TSHZ2: variants seen among roughly 807,000 people sequenced by gnomAD.
The protein encoded by TSHZ2 is teashirt zinc finger homeobox 2.
A neutral mutation model predicts 74.4 loss-of-function variants in TSHZ2; 21 were observed. The ratio of observed to expected loss-of-function variants is 0.28; its 90% confidence interval spans 0.20 to 0.41. The LOEUF is 0.41. Ranked by LOEUF, TSHZ2 falls within the 10% of genes least tolerant of loss-of-function variation. The pLI is 1.00. For synonymous variants in TSHZ2, 540 were observed against 515.3 expected (o/e 1.05, Z -0.65); for missense variants, 1,244 against 1,293.5 (o/e 0.96, Z 0.59).
intron 1 of TSHZ2, among the ~76,000 whole-genome samples, chr20:53,199,423 A>G (rs1988946878): frequency 1.3e-5 from 2 of 152,188 alleles, no homozygotes; most frequent in Admixed American, 6.5e-5. Context: ...GCAGTGAGCC[A>G]AGATTGTGCC....
chr20:53,395,659 A>C (rs1186388701), intron 2 of TSHZ2, among the ~76,000 whole-genome samples: 4 of 152,250 alleles, frequency 2.6e-5, no homozygotes, highest in African/African-American at 9.6e-5. Context: ...CAATAATCTG[A>C]AATTGGTCCA....
chr20:53,047,930 C>T (rs1005047936), intron 1 of TSHZ2, among the ~76,000 whole-genome samples: 1 of 152,152 alleles, frequency 6.6e-6, no homozygotes, highest in East Asian at 1.9e-4. Context: ...TAGACACCGT[C>T]GCACTTTTAA....
In TSHZ2 at chr20:53,378,331, CTT is replaced by C. The variant is rs1462161934; in HGVS notation, c.*9-108811_*9-108810del. 4.4e-5 allele frequency among the ~76,000 whole-genome samples: 6 copies of C among 137,048 alleles called. No homozygotes were observed. In the East Asian group the frequency reaches 1.3e-3, roughly 29 times the overall value. The allele number at this position is 137,048 out of a possible 152,430, so 89.9% of individuals were successfully genotyped here. ...CTCCAGCCTGGGCGACAAAGCAAAA[CTT>C]TGTATCAAAATAATAATAATAATAA... On this transcript the variant is annotated intron_variant, in intron 2 of 2. Transcript: ENST00000371497.
At chr20:53,327,892 C>T (rs1036274976) in intron 2 of TSHZ2, among the ~76,000 whole-genome samples, 4 of 152,290 alleles carry the variant, frequency 2.6e-5, no homozygotes, top group African/African-American at 7.2e-5. Context: ...GTCAGCCACA[C>T]GGAGAGCAGC....
chr20:52,982,514 A>T (rs2122883013), intron 1 of TSHZ2, among the ~76,000 whole-genome samples: 1 of 152,276 alleles, frequency 6.6e-6, no homozygotes, highest in African/African-American at 2.4e-5. Context: ...ATGTTCTTTC[A>T]TATGTCCGTA....
At chr20:53,069,454 GA>G (rs1371885669) in intron 1 of TSHZ2, among the ~76,000 whole-genome samples, 1 of 151,800 alleles carries the variant, frequency 6.6e-6, no homozygotes, top group East Asian at 1.9e-4. Context: ...CTTCCTGAAA[GA>G]AAAAAATATC....
intron 1 of TSHZ2, among the ~76,000 whole-genome samples, chr20:53,088,052 G>T (rs1264104660): frequency 6.6e-6 from 1 of 152,196 alleles, no homozygotes; most frequent in East Asian, 1.9e-4. Flanking sequence ...TCTTCAAGAT[G>T]AATTCAGCTT....
intron 2 of TSHZ2, among the ~76,000 whole-genome samples, chr20:53,422,755 C>T (rs1377167068): frequency 2.0e-5 from 3 of 152,130 alleles, no homozygotes; most frequent in African/African-American, 7.2e-5. Context: ...GGGGAGAGAA[C>T]AAAACCTTAT....
chr20:53,484,382 CTTTTTTTTT>C (rs10610067), intron 2 of TSHZ2, among the ~76,000 whole-genome samples: 127 of 98,860 alleles, frequency 1.3e-3, no homozygotes, highest in African/African-American at 4.7e-3. Flanking sequence ...TTATCTCTCT[CTTTTTTTTT>C]TTTTTTTTTT....
At chr20:53,334,571 G>T (rs1372999972) in intron 2 of TSHZ2, among the ~76,000 whole-genome samples, 2 of 152,200 alleles carry the variant, frequency 1.3e-5, no homozygotes, top group East Asian at 3.8e-4. Context: ...CTTCCAGTGT[G>T]CGGCCAAGGG....
intron 1 of TSHZ2, among the ~76,000 whole-genome samples, chr20:52,997,195 A>G (rs766606357): frequency 2.6e-5 from 4 of 152,122 alleles, no homozygotes; most frequent in African/African-American, 9.7e-5. Context: ...GTCCCCTCAA[A>G]TATCACCAAA....
chr20:53,001,776 C>T (rs899023382), intron 1 of TSHZ2, among the ~76,000 whole-genome samples: 2 of 152,166 alleles, frequency 1.3e-5, no homozygotes, highest in Non-Finnish European at 2.9e-5. Flanking sequence ...GAAGGTTTAA[C>T]GTTACGTATG....
intron 1 of TSHZ2, among the ~76,000 whole-genome samples, chr20:53,220,778 C>G (rs925396959): frequency 6.6e-6 from 1 of 152,096 alleles, no homozygotes; most frequent in Non-Finnish European, 1.5e-5. Context: ...TAATGGGTAC[C>G]AGGAATCAAA....
intron 2 of TSHZ2, among the ~76,000 whole-genome samples, chr20:53,280,370 A>G (rs984084270): frequency 1.3e-5 from 2 of 152,236 alleles, no homozygotes; most frequent in Non-Finnish European, 2.9e-5. Flanking sequence ...ATTACAGCTT[A>G]TAGCATAAAA....
chr20:53,337,150 G>A (rs1979984649), intron 2 of TSHZ2, among the ~76,000 whole-genome samples: 1 of 152,186 alleles, frequency 6.6e-6, no homozygotes, highest in South Asian at 2.1e-4. Flanking sequence ...TCAATCCACA[G>A]GCAGAATGTC....
At chr20:53,270,200 T>A (rs1990806531) in intron 2 of TSHZ2, among the ~76,000 whole-genome samples, 1 of 151,940 alleles carries the variant, frequency 6.6e-6, no homozygotes, top group Non-Finnish European at 1.5e-5. Context: ...TCTGAGGACA[T>A]CTCCCAGCTC....
intron 1 of TSHZ2, among the ~76,000 whole-genome samples, chr20:53,165,046 C>T (rs1277215023): frequency 6.6e-6 from 1 of 152,088 alleles, no homozygotes; most frequent in African/African-American, 2.4e-5. Context: ...ACACTTGTCA[C>T]AGAGGCTGGC....
chr20:53,299,566 C>T (rs1041134548), intron 2 of TSHZ2, among the ~76,000 whole-genome samples: 1 of 152,082 alleles, frequency 6.6e-6, no homozygotes, highest in Non-Finnish European at 1.5e-5. Flanking sequence ...TATTCTCTGC[C>T]CCATGCCTTT....
At chr20:53,093,737 A>G (rs150728942) in intron 1 of TSHZ2, among the ~76,000 whole-genome samples, 6 of 152,358 alleles carry the variant, frequency 3.9e-5, no homozygotes, top group African/African-American at 1.4e-4. Context: ...TGTCTTATTC[A>G]CAGTTGAAAT....
Sources: gnomAD v4.1 joint callset for allele counts (sites outside exome capture counted in the v4.1 genomes callset) on GRCh38, gnomAD v4.1.1 for gene constraint, MANE v1.5 for transcripts, NCBI Gene and HGNC (gene_info 2026-07-23, HGNC 2026-07-21) for gene names.